Variants in SLC26A11 observed in about 807,000 individuals in gnomAD.
The protein encoded by SLC26A11 is sodium-independent sulfate anion transporter.
Under a neutral mutation model 62.2 loss-of-function variants are expected in SLC26A11, and 58 were observed. That is an observed-to-expected ratio of 0.93 (90% confidence interval 0.76 to 1.16). The LOEUF (loss-of-function observed/expected upper bound fraction) is 1.16, where lower values mean the gene tolerates loss of function less well. Ranked by LOEUF, SLC26A11 falls within the 50% of genes most tolerant of loss-of-function variation. SLC26A11 has a pLI of 0.00. For synonymous variants in SLC26A11, 411 were observed against 368.9 expected (o/e 1.11, Z -1.31); for missense variants, 790 against 794.3 (o/e 0.99, Z 0.06).
chr17:80,235,046 C>T (rs1174723592), intron 7 of SLC26A11, among the ~76,000 whole-genome samples: 1 of 152,010 alleles, frequency 6.6e-6, no homozygotes, highest in Non-Finnish European at 1.5e-5. Context: ...GACAGAGCTT[C>T]ACTGTGTTGG....
rs1555629117 is a variant in SLC26A11, at chr17:80,238,811, G to GGTTTTT, written c.985+1217_985+1218insGTTTTT. 2.5e-3 allele frequency among the ~76,000 whole-genome samples: 308 copies of GGTTTTT among 123,242 alleles called. 18 individuals are homozygous for GGTTTTT. The highest frequency in any genetic ancestry group is 0.01 in the African/African-American group (295 of 29,216). The allele number at this position is 123,242 out of a possible 152,430, so 80.9% of individuals were successfully genotyped here. A position where few individuals can be genotyped will look rare whatever the true frequency, so the allele number is the denominator to read the frequency against. ...TCTAACCCTTACCCCCTTCAAAGGA[G>GGTTTTT]TTTTTTTTGTTTTTTGTTTTTTTTT... is the stretch of plus-strand genomic sequence containing the variant. On this transcript the variant is annotated intron_variant, in intron 9 of 17. Transcript: ENST00000361193.
chr17:80,235,798 T>G (rs537680568), intron 7 of SLC26A11, among the ~76,000 whole-genome samples: 10 of 152,376 alleles, frequency 6.6e-5, no homozygotes, highest in African/African-American at 2.4e-4. Context: ...TTAAGTTACT[T>G]AGGACAGTTC....
In SLC26A11 at chr17:80,222,834, G is replaced by A. The variant is rs2042260861; in HGVS notation, c.414G>A (p.Gly138=). 5 of 1,613,846 alleles carry A rather than the reference G, an allele frequency of 3.1e-6. No individual in the cohort carries two copies. Among genetic ancestry groups the A allele is most frequent in the African/African-American group, 1.3e-5 (1 of 74,914 alleles). ...FLSGCIQLAM[G]VLRLGFLLDF... ...CCGGCTGCATCCAGCTGGCCATGGGGGTCCTGCGTTTGGGTGAGGCTCTAC... is the reference window on the plus strand; with the variant it reads ...CCGGCTGCATCCAGCTGGCCATGGGAGTCCTGCGTTTGGGTGAGGCTCTAC... Residue 138 remains glycine (G), a synonymous_variant, in exon 4 of 18, where the codon GGG becomes GGA. Coordinates refer to ENST00000361193, the MANE Select transcript of SLC26A11 (RefSeq NM_001166347.2). This position sits in a 1 kb window ranked among gnomAD's most constrained non-coding sequence, Gnocchi z 4.7.
Position 80,228,087 on chromosome 17 carries a change from T to A in SLC26A11, c.736+127T>A. ...GGTGTCACTTGAGCATTGGGACATTTAAAACACCACACCAAACTCTGGGAC... is the reference window on the plus strand; with the variant it reads ...GGTGTCACTTGAGCATTGGGACATTAAAAACACCACACCAAACTCTGGGAC... On this transcript the variant is annotated intron_variant, in intron 7 of 17. Transcript: ENST00000361193. The surrounding 1 kb of genome is among the most constrained non-coding windows in gnomAD (Gnocchi z 4.1). The A allele has an allele frequency of 4.3e-6, 3 of 694,714 alleles. No individual in the cohort carries two copies. Among genetic ancestry groups the A allele is most frequent in the Non-Finnish European group, 7.0e-6 (3 of 425,550 alleles). 43.0% of individuals were successfully genotyped at this position (694,714 alleles called of 1,614,324 possible).
chr17:80,251,141 AAATT>A, intron 16 of SLC26A11, among the ~76,000 whole-genome samples, 184 bp from the exon 17 acceptor site: 1 of 152,044 alleles, frequency 6.6e-6, no homozygotes, highest in East Asian at 1.9e-4. Flanking sequence ...AAAAAACAAA[AAATT>A]AAAAAAAAAA....
rs1380365296 is a variant in SLC26A11 at position 80,236,984 on chromosome 17, A to C, written c.793A>C (p.Thr265Pro). The C allele has an allele frequency of 5.6e-6, 9 of 1,613,784 alleles. No homozygotes were observed. Among genetic ancestry groups the C allele is most frequent in the Non-Finnish European group, 7.6e-6 (9 of 1,179,946 alleles). Residue 265 changes from threonine (T) to proline (P), a missense_variant, in exon 8 of 18, where the codon ACT (threonine) becomes CCT (proline). Physicochemically the swap from Thr to Pro is conservative, Grantham distance 38. Coordinates refer to ENST00000361193, the MANE Select transcript of SLC26A11 (RefSeq NM_001166347.2). ...CCTGGTTGCGTACTCCTTCGAGGTG[A>C]CTGGATACCAGCCTTTCATCCTAAC... The part of the protein sequence containing the change: ...AALVAYSFEV[T>P]GYQPFILTGE...
At chr17:80,238,822 T>TTTTTTG (rs1555629154) in intron 9 of SLC26A11, among the ~76,000 whole-genome samples, 81 of 136,320 alleles carry the variant, frequency 5.9e-4, no homozygotes, top group African/African-American at 2.3e-3. Context: ...TTTTTTTTGT[T>TTTTTTG]TTTTGTTTTT....
At position 80,252,913 on chromosome 17, in the gene SLC26A11, T is replaced by G; in HGVS notation, c.*197T>G. On this transcript the variant is annotated 3_prime_UTR_variant, in exon 18 of 18. Transcript: ENST00000361193. The surrounding 1 kb of genome is among the most constrained non-coding windows in gnomAD (Gnocchi z 5.2). ...TGGGGCTCACTGGCTTCCTGTGGGA[T>G]GACTGGAAAATGACCTCGCTGCTGT... is the stretch of plus-strand genomic sequence containing the variant. 1.8e-6 allele frequency: 1 copy of G among 542,532 alleles called. No individual in the cohort carries two copies. Among genetic ancestry groups the G allele is most frequent in the South Asian group, 2.1e-5 (1 of 46,984 alleles). 33.6% of individuals were successfully genotyped at this position (542,532 alleles called of 1,614,324 possible).
intron 6 of SLC26A11, 60 bp from the exon 7 acceptor site, chr17:80,227,758 T>C: frequency 6.4e-7 from 1 of 1,572,860 alleles, no homozygotes; most frequent in South Asian, 1.1e-5. Flanking sequence ...AGCAGGATGC[T>C]TGAGTCAGCA....
chr17:80,245,196 G>C lies in SLC26A11; in HGVS notation c.1037G>C (p.Gly346Ala), dbSNP rs760271439. The C allele has an allele frequency of 4.3e-6, 7 of 1,613,658 alleles. No individual in the cohort carries two copies. In the East Asian group the frequency reaches 1.6e-4, roughly 36 times the overall value. ...TCAGCCTGTCTTGCCTCCTCCCCAG[G>C]TCTCACCAACATGTTGGGCTCCCTC... ...IDANQELLAI[G>A]LTNMLGSLVS... Residue 346 changes from glycine (G) to alanine (A), a missense_variant and splice_region_variant, in exon 11 of 18, where the codon GGT (glycine) becomes GCT (alanine). By Grantham distance (60) the Gly-to-Ala change is moderately conservative. Transcript: ENST00000361193.
chr17:80,244,243 C>T (rs1390107594), intron 10 of SLC26A11, among the ~76,000 whole-genome samples: 1 of 152,200 alleles, frequency 6.6e-6, no homozygotes, highest in Non-Finnish European at 1.5e-5. Flanking sequence ...GAGCAGTGAT[C>T]CCCGTTCTTG....
rs566583614 is a variant in SLC26A11, at chr17:80,244,301, G to A, written c.1037-895G>A. Among the ~76,000 whole-genome samples, 50 of 152,350 alleles carry A rather than the reference G, an allele frequency of 3.3e-4. No individual in the cohort carries two copies. The South Asian group carries it at 8.1e-3, about 25-fold the overall frequency. ...TGGGCTTTGTCTGTTGTAGGCAGCCGGCATCACCTGGGGAGGCAGCATACT... is the reference window on the plus strand; with the variant it reads ...TGGGCTTTGTCTGTTGTAGGCAGCCAGCATCACCTGGGGAGGCAGCATACT... On this transcript the variant is annotated intron_variant, in intron 10 of 17. Coordinates refer to ENST00000361193, the MANE Select transcript of SLC26A11 (RefSeq NM_001166347.2).
At position 80,248,196 on chromosome 17, in the gene SLC26A11, T is replaced by C. The variant is rs781620925; in HGVS notation, c.1361T>C (p.Leu454Pro). The change falls in exon 14 of 18, where the codon CTG becomes CCG. Residue 454 changes from leucine (L) to proline (P), a missense_variant. Leu to Pro is a moderately conservative substitution (Grantham distance 98, BLOSUM62 -3). Transcript: ENST00000361193. ...TTCTGGGAGGTGCAGTACGGCATCC[T>C]GGCCGGGGCCCTGGTGTCTCTGCTC... Reference protein sequence around the residue: ...LCFWEVQYGILAGALVSLLML... With the variant: ...LCFWEVQYGIPAGALVSLLML... 3.1e-6 allele frequency: 5 copies of C among 1,609,380 alleles called. No individual in the cohort carries two copies. The Admixed American group carries it at 6.7e-5, about 21-fold the overall frequency.
intron 9 of SLC26A11, among the ~76,000 whole-genome samples, chr17:80,241,298 C>T (rs775758353): frequency 9.9e-5 from 15 of 152,194 alleles, no homozygotes; most frequent in Non-Finnish European, 1.8e-4. Flanking sequence ...CTCACTCTGT[C>T]GCCCAGACTG....
At chr17:80,248,086 C>A (rs776872918) in intron 13 of SLC26A11, 44 bp from the exon 14 acceptor site, 2 of 1,559,668 alleles carry the variant, frequency 1.3e-6, no homozygotes, top group Non-Finnish European at 1.7e-6. Flanking sequence ...ATGTTGGGGC[C>A]TCGGGCAGCT....
rs193009091 is a variant in SLC26A11, at chr17:80,252,253, G to A, written c.1730-372G>A. ...TCACAGCTGAAGCTGGGTCAGCTCCGTGAGAGTGAGGGGTGGCGGATGTTG... is the reference window on the plus strand; with the variant it reads ...TCACAGCTGAAGCTGGGTCAGCTCCATGAGAGTGAGGGGTGGCGGATGTTG... On this transcript the variant is annotated intron_variant, in intron 17 of 17. Transcript: ENST00000361193. This position sits in a 1 kb window ranked among gnomAD's most constrained non-coding sequence, Gnocchi z 5.2. Among the ~76,000 whole-genome samples the A allele has an allele frequency of 7.5e-4, 114 of 152,334 alleles. No individual in the cohort carries two copies. In the Middle Eastern group the frequency reaches 0.014, roughly 18 times the overall value.
chr17:80,247,336 G>A (rs376966588), intron 13 of SLC26A11, among the ~76,000 whole-genome samples: 5 of 152,058 alleles, frequency 3.3e-5, no homozygotes, highest in East Asian at 1.9e-4. Context: ...TCATCATGGC[G>A]CGTTCTCAAT....
chr17:80,231,761 G>A lies in SLC26A11; in HGVS notation c.736+3801G>A, dbSNP rs79075382. Among the ~76,000 whole-genome samples the A allele has an allele frequency of 5.3e-3, 812 of 152,242 alleles. 8 individuals are homozygous for A. Among genetic ancestry groups the A allele is most frequent in the African/African-American group, 0.018 (766 of 41,540 alleles). On this transcript the variant is annotated intron_variant, in intron 7 of 17. Transcript: ENST00000361193. ...TTGGGGGTTTCCCAATTAGTACTTT[G>A]CCATTGATTTCTAATTTAGTTCCAT...
At chr17:80,242,572 G>A (rs1439923136) in intron 10 of SLC26A11, among the ~76,000 whole-genome samples, 3 of 152,242 alleles carry the variant, frequency 2.0e-5, no homozygotes, top group Admixed American at 6.5e-5. Flanking sequence ...GCAGGGGCAG[G>A]TGGATTCATG....
Sources: allele counts gnomAD v4.1 joint callset (sites outside exome capture counted in the v4.1 genomes callset), GRCh38; gene constraint gnomAD v4.1.1; non-coding constraint Gnocchi (gnomAD v3.1); transcripts MANE v1.5; gene names NCBI Gene and HGNC (gene_info 2026-07-23, HGNC 2026-07-21).